The following BUB1 variants were observed in gnomAD, a reference collection of about 807,000 sequenced individuals.
The protein encoded by BUB1 is mitotic checkpoint serine/threonine-protein kinase BUB1.
Under a neutral mutation model 135.2 loss-of-function variants are expected in BUB1, and 84 were observed. The ratio of observed to expected loss-of-function variants is 0.62; its 90% CI spans 0.52 to 0.74. The LOEUF (loss-of-function observed/expected upper bound fraction) is 0.74, where lower values mean the gene tolerates loss of function less well. Among genes scored for constraint, BUB1 ranks in the 30% least tolerant of loss-of-function variants. The probability of loss-of-function intolerance (pLI) is 0.00; values close to 1 mark genes in which losing one functional copy is unlikely to be tolerated. For synonymous variants in BUB1, 403 were observed against 434.4 expected, an observed-to-expected ratio of 0.93 and a Z score of 0.90; for missense variants, 1,162 against 1,288.3, an observed-to-expected ratio of 0.90 and a Z score of 1.50.
At chr2:110,660,162 AG>A in intron 10 of BUB1, 126 bp from the exon 11 acceptor site, 1 of 651,062 alleles carries the variant, frequency 1.5e-6, no homozygotes, top group Non-Finnish European at 2.6e-6. Context: ...ACCTGAGGTC[AG>A]AAGTTCGAGA....
At chr2:110,664,448 GA>G (rs923119757) in intron 9 of BUB1, among the ~76,000 whole-genome samples, 3 of 152,266 alleles carry the variant, frequency 2.0e-5, no homozygotes, top group Admixed American at 2.0e-4. Flanking sequence ...AACTCTGAGG[GA>G]ATGTAAGTTC....
intron 1 of BUB1, chr2:110,675,321 A>G (rs924484006): frequency 2.0e-5 from 3 of 152,284 alleles, no homozygotes; most frequent in African/African-American, 7.2e-5. Flanking sequence ...ATGAGTTACT[A>G]TTTTTAGATA....
chr2:110,651,469 T>C lies in BUB1; in HGVS notation c.1965-685A>G, dbSNP rs370607000. ...TATAGTTGTACAATGTGTTTGTTTT[T>C]TAAGCTAAGTGTTGTTACAAAAGTC... On this transcript the variant is annotated intron_variant, in intron 17 of 24. Transcript: ENST00000302759. 4.6e-5 allele frequency among the ~76,000 whole-genome samples: 7 copies of C among 152,224 alleles called. No homozygotes were observed. The East Asian group carries it at 1.3e-3, about 29-fold the overall frequency.
intron 16 of BUB1, among the ~76,000 whole-genome samples, chr2:110,654,089 G>GC (rs956819407): frequency 7.2e-5 from 11 of 152,220 alleles, no homozygotes; most frequent in African/African-American, 2.6e-4. Context: ...CGAGAGAGTG[G>GC]CAAGTCCATT....
At chr2:110,670,454 G>A (rs1690391203) in intron 5 of BUB1, 71 bp downstream of exon 5, 1 of 1,572,574 alleles carries the variant, frequency 6.4e-7, no homozygotes, top group African/African-American at 1.4e-5. Flanking sequence ...GTTTTTTAAA[G>A]AAAAGAAAAT....
intron 1 of BUB1, among the ~76,000 whole-genome samples, chr2:110,677,318 G>C (rs896329433): frequency 6.6e-6 from 1 of 152,030 alleles, no homozygotes; most frequent in Non-Finnish European, 1.5e-5. Flanking sequence ...CTGATAAAAC[G>C]GACCAGTTTT....
intron 1 of BUB1, among the ~76,000 whole-genome samples, chr2:110,677,418 CTT>C (rs1690620207): frequency 6.6e-6 from 1 of 152,122 alleles, no homozygotes; most frequent in African/African-American, 2.4e-5. Flanking sequence ...GGCGTGGGAA[CTT>C]TAAGTAAAAA....
intron 1 of BUB1, among the ~76,000 whole-genome samples, 194 bp downstream of exon 1, chr2:110,677,776 G>C (rs976015608): frequency 1.3e-5 from 2 of 152,218 alleles, no homozygotes; most frequent in Non-Finnish European, 2.9e-5. Flanking sequence ...GACAAGCGCC[G>C]GGCCTCAGCG....
In BUB1 at chr2:110,641,064, C is replaced by G. The variant is rs753019883; in HGVS notation, c.2925G>C (p.Glu975Asp). Residue 975 changes from glutamate (E) to aspartate (D), a missense_variant, in exon 23 of 25, where the codon GAG (glutamate) becomes GAC (aspartate). Glu to Asp is a conservative substitution (Grantham distance 45). Transcript: ENST00000302759. ...KCETSGFQCV[E>D]MLSNKPWNYQ... is the part of the protein sequence containing the mutation. ...AGTTCCATGGTTTGTTGCTGAGCAT[C>G]TCAACACACTGAAAACCAGATGTTT... 6.2e-7 allele frequency: 1 copy of G among 1,602,230 alleles called. No homozygotes were observed. Among genetic ancestry groups the G allele is most frequent in the Non-Finnish European group, 8.5e-7 (1 of 1,176,040 alleles).
chr2:110,661,855 C>T lies in BUB1; in HGVS notation c.958-14G>A. On this transcript the variant is annotated splice_polypyrimidine_tract_variant and intron_variant, in intron 9 of 24. Coordinates refer to ENST00000302759, the MANE Select transcript of BUB1 (RefSeq NM_004336.5). ...TGCTGGATTAACCTTTCATATTAAA[C>T]AAACAAACAACAAAAACAAAACCAT... The T allele has an allele frequency of 4.3e-6, 7 of 1,609,464 alleles. No individual in the cohort carries two copies. The highest frequency in any genetic ancestry group is 5.9e-6 in the Non-Finnish European group (7 of 1,177,542).
At chr2:110,643,512 T>C (rs1280883684) in intron 19 of BUB1, among the ~76,000 whole-genome samples, 1 of 152,164 alleles carries the variant, frequency 6.6e-6, no homozygotes, top group African/African-American at 2.4e-5. Context: ...GCTCATATAT[T>C]AGGTCTGGCT....
chr2:110,652,029 CATGGAAGTATAT>C (rs1451149659), intron 17 of BUB1, among the ~76,000 whole-genome samples: 1 of 151,632 alleles, frequency 6.6e-6, no homozygotes, highest in African/African-American at 2.4e-5. Flanking sequence ...CATGACTGTA[CATGGAAGTATAT>C]GTATACATAT....
Position 110,666,256 on chromosome 2 carries a change from A to C in BUB1, c.957+7T>G. 5 of 1,383,804 alleles carry C rather than the reference A, an allele frequency of 3.6e-6. No homozygotes were observed. The highest frequency in any genetic ancestry group is 2.2e-5 in the South Asian group (1 of 46,058). 85.7% of individuals were successfully genotyped at this position (1,383,804 alleles called of 1,614,324 possible). On this transcript the variant is annotated splice_region_variant and intron_variant, in intron 9 of 24. Coordinates refer to ENST00000302759, the MANE Select transcript of BUB1 (RefSeq NM_004336.5). ...GCACAGGATGTGTCATGAGGAGCAC[A>C]ACATACCTCGGACCTTTCCTGGGAA...
In BUB1 at chr2:110,657,616, C is replaced by T; in HGVS notation, c.1546G>A (p.Val516Ile). 15 of 1,601,980 alleles carry T rather than the reference C, an allele frequency of 9.4e-6. No homozygotes were observed. The highest frequency in any genetic ancestry group is 1.3e-5 in the Non-Finnish European group (15 of 1,173,656). Reference sequence around the variant, plus strand: ...GACAAAGAAGAGATGATCTTATTGACTCCCCAAGCCCCAGATGACCTTACA... The same window carrying T: ...GACAAAGAAGAGATGATCTTATTGATTCCCCAAGCCCCAGATGACCTTACA... The part of the protein sequence containing the change: ...KNVRSSGAWG[V>I]NKIISSLSSA... The change falls in exon 14 of 25, where the codon GTC becomes ATC. Residue 516 changes from valine to isoleucine, a missense_variant. Coordinates refer to ENST00000302759, the MANE Select transcript of BUB1 (RefSeq NM_004336.5).
chr2:110,650,264 A>C (rs909706595), intron 18 of BUB1, among the ~76,000 whole-genome samples: 2 of 152,044 alleles, frequency 1.3e-5, no homozygotes, highest in African/African-American at 4.8e-5. Context: ...AATGTAAAAT[A>C]TAATAGTATT....
At chr2:110,655,270 A>G (rs1323258084) in intron 16 of BUB1, among the ~76,000 whole-genome samples, 1 of 152,230 alleles carries the variant, frequency 6.6e-6, no homozygotes, top group Non-Finnish European at 1.5e-5. Flanking sequence ...GTACTTGGCT[A>G]TGTCTAATAA....
chr2:110,650,458 A>C (rs918093361), intron 18 of BUB1, 88 bp downstream of exon 18: 192 of 1,241,826 alleles, frequency 1.5e-4, no homozygotes, highest in Non-Finnish European at 2.9e-5. Flanking sequence ...AGTGACATTC[A>C]AGTCCCACTG....
chr2:110,652,059 T>TAC (rs559734586), intron 17 of BUB1, among the ~76,000 whole-genome samples: 8,911 of 145,182 alleles, frequency 0.061, 326 homozygotes, highest in African/African-American at 0.11. Context: ...TATACATCCA[T>TAC]ACACACACAC....
Position 110,658,871 on chromosome 2 carries a change from G to A in BUB1, c.1277-129C>T, listed in dbSNP as rs192750207. 1.7e-5 allele frequency: 19 copies of A among 1,129,222 alleles called. No homozygotes were observed. In the East Asian group the frequency reaches 4.9e-4, roughly 29 times the overall value. The allele number at this position is 1,129,222 out of a possible 1,614,324, so 70.0% of individuals were successfully genotyped here. A position where few individuals can be genotyped will look rare whatever the true frequency, so the allele number is the denominator to read the frequency against. On this transcript the variant is annotated intron_variant, in intron 11 of 24. Transcript: ENST00000302759. ...TAAAAATTATCACTAAGAATTTCCAGTATTATAGTGCTTTCATATATTTCA... is the reference window on the plus strand; with the variant it reads ...TAAAAATTATCACTAAGAATTTCCAATATTATAGTGCTTTCATATATTTCA...
Sources: gnomAD v4.1 joint callset for allele counts (sites outside exome capture counted in the v4.1 genomes callset) on GRCh38, gnomAD v4.1.1 for gene constraint, MANE v1.5 for transcripts, NCBI Gene and HGNC (gene_info 2026-07-23, HGNC 2026-07-21) for gene names.